Variants in PCNX2 observed in about 807,000 individuals in gnomAD.
The protein encoded by PCNX2 is pecanex-like protein 2.
PCNX2 carries 168 observed loss-of-function variants against 223.8 expected under a neutral mutation model. The ratio of observed to expected loss-of-function variants is 0.75; its 90% CI spans 0.66 to 0.85. The LOEUF is 0.85. PCNX2 is among the 40% of genes least tolerant of loss of function. PCNX2 has a pLI of 0.00. For synonymous variants in PCNX2, 1,006 were observed against 1,052.6 expected (o/e 0.96, Z 0.86); for missense variants, 2,507 against 2,675.5 (o/e 0.94, Z 1.39).
rs747589153 is a variant in PCNX2 at position 233,263,024 on chromosome 1, T to C, written c.293A>G (p.Lys98Arg). The change falls in exon 2 of 34, where the codon AAG (lysine) becomes AGG (arginine). Residue 98 changes from lysine (K) to arginine (R), a missense_variant. This residue lies in a region of PCNX2 where 1,031 missense variants were observed against 1,021.7 expected (regional missense o/e 1.01). Coordinates refer to ENST00000258229, the MANE Select transcript of PCNX2 (RefSeq NM_014801.4). ...GEVIQQKPSR[K>R]EEKPNKDKEA... ...CTTGTCTTTATTTGGCTTTTCTTCC[T>C]TTCTGGAGGGCTTTTGCTGAATTAC... The C allele has an allele frequency of 3.1e-6, 5 of 1,613,700 alleles. No homozygotes were observed. The highest frequency in any genetic ancestry group is 4.2e-6 in the Non-Finnish European group (5 of 1,179,828).
Position 233,221,791 on chromosome 1 carries a change from G to T in PCNX2, c.2505-3607C>A, listed in dbSNP as rs147539655. Among the ~76,000 whole-genome samples the T allele has an allele frequency of 3.4e-3, 513 of 152,288 alleles. 3 individuals are homozygous for T. The highest frequency in any genetic ancestry group is 0.012 in the African/African-American group (499 of 41,556). On this transcript the variant is annotated intron_variant, in intron 10 of 33. Transcript: ENST00000258229. ...TCCAAATGGATTATGGACAACGAAG[G>T]ACTGATTGAAAGAATAAAGATTACT...
intron 1 of PCNX2, chr1:233,289,098 G>T: frequency 1.0e-6 from 1 of 962,120 alleles, no homozygotes; most frequent in Non-Finnish European, 1.7e-6. Context: ...ATGGCTCCTG[G>T]GATGCTTTTG....
At chr1:232,988,836 C>T (rs928454472) in intron 32 of PCNX2, among the ~76,000 whole-genome samples, 1 of 152,210 alleles carries the variant, frequency 6.6e-6, no homozygotes, top group Non-Finnish European at 1.5e-5. Flanking sequence ...CCCAGCAAGA[C>T]GTTTGCAGGT....
chr1:233,179,246 T>C, intron 15 of PCNX2, 71 bp from the exon 16 acceptor site: 2 of 1,481,314 alleles, frequency 1.4e-6, no homozygotes, highest in Non-Finnish European at 1.9e-6. Flanking sequence ...ATCAGACATT[T>C]AGAAATATCC....
chr1:233,077,324 A>C (rs1673137356), intron 23 of PCNX2, among the ~76,000 whole-genome samples: 1 of 152,208 alleles, frequency 6.6e-6, no homozygotes, highest in Admixed American at 6.5e-5. Flanking sequence ...TCTTGACTCC[A>C]GGAGCACAGG....
At chr1:233,023,248 T>A (rs114506287) in intron 26 of PCNX2, among the ~76,000 whole-genome samples, 1 of 152,204 alleles carries the variant, frequency 6.6e-6, no homozygotes, top group African/African-American at 2.4e-5. Context: ...GATGGCTAGT[T>A]ACCATTTATC....
At chr1:233,311,040 A>T in the PCNX2 span, among the ~76,000 whole-genome samples, 1 of 152,332 alleles carries the variant, frequency 6.6e-6, no homozygotes, top group East Asian at 1.9e-4. Context: ...CCATAGCAGG[A>T]AGCCGCAAGT....
In PCNX2 at chr1:233,000,980, G is replaced by A. The variant is rs1670061550; in HGVS notation, c.5098-445C>T. Among the ~76,000 whole-genome samples the A allele has an allele frequency of 6.6e-6, 1 of 152,136 alleles. No individual in the cohort carries two copies. Among genetic ancestry groups the A allele is most frequent in the Non-Finnish European group, 1.5e-5 (1 of 68,030 alleles). On this transcript the variant is annotated intron_variant, in intron 29 of 33. Coordinates refer to ENST00000258229, the MANE Select transcript of PCNX2 (RefSeq NM_014801.4). This position sits in a 1 kb window ranked among gnomAD's most constrained non-coding sequence, Gnocchi z 4.6. Reference sequence around the variant, plus strand: ...CACTTACAGTGCTGTGCAGAGAAAGGAGACCATATTTTTAAAGGCCATTTT... The same window carrying A: ...CACTTACAGTGCTGTGCAGAGAAAGAAGACCATATTTTTAAAGGCCATTTT...
At chr1:233,146,469 A>T (rs1460526550) in intron 19 of PCNX2, among the ~76,000 whole-genome samples, 3 of 152,368 alleles carry the variant, frequency 2.0e-5, no homozygotes, top group Admixed American at 6.5e-5. Context: ...CATAAAGTAC[A>T]ATCAGTTACA....
the PCNX2 span, among the ~76,000 whole-genome samples, chr1:233,309,736 G>A: frequency 6.6e-6 from 1 of 151,830 alleles, no homozygotes; most frequent in Non-Finnish European, 1.5e-5. Flanking sequence ...AAATTAGACA[G>A]GCATGGTGGT....
In PCNX2 at chr1:233,088,029, C is replaced by T. The variant is rs545544200; in HGVS notation, c.4076+2032G>A. 1.8e-4 allele frequency among the ~76,000 whole-genome samples: 28 copies of T among 152,256 alleles called. 1 individual carries two copies. The highest frequency in any genetic ancestry group is 6.0e-4 in the African/African-American group (25 of 41,526). On this transcript the variant is annotated intron_variant, in intron 23 of 33. Transcript: ENST00000258229. ...AAACATAAATCTTGCTCTAGAAGTCCGTATGTTTAAGTAACCCACATAAAC... is the reference window on the plus strand; with the variant it reads ...AAACATAAATCTTGCTCTAGAAGTCTGTATGTTTAAGTAACCCACATAAAC...
intron 21 of PCNX2, among the ~76,000 whole-genome samples, chr1:233,110,935 T>A (rs1675076574): frequency 1.3e-5 from 2 of 152,170 alleles, no homozygotes; most frequent in South Asian, 4.1e-4. Flanking sequence ...TTTATATTCC[T>A]AATATAAGAG....
chr1:233,195,874 T>A (rs1397926421), intron 15 of PCNX2, among the ~76,000 whole-genome samples: 8 of 152,188 alleles, frequency 5.3e-5, no homozygotes, highest in South Asian at 2.1e-4. Context: ...AAATTCATCA[T>A]AATCCCAACG....
intron 22 of PCNX2, 193 bp downstream of exon 22, chr1:233,095,562 G>A (rs1047321053): frequency 1.7e-6 from 1 of 599,542 alleles, no homozygotes; most frequent in Non-Finnish European, 3.0e-6. Flanking sequence ...TTAAGAAGCA[G>A]GAAGAGTTCA....
At chr1:233,131,933 G>C (rs902659088) in intron 21 of PCNX2, among the ~76,000 whole-genome samples, 1 of 131,296 alleles carries the variant, frequency 7.6e-6, no homozygotes, top group Non-Finnish European at 1.6e-5. Flanking sequence ...TGTGGATTTC[G>C]TTTTAGATCT....
rs558499631 is a variant in PCNX2, at chr1:233,032,195, C to G, written c.4352-6796G>C. On this transcript the variant is annotated intron_variant, in intron 25 of 33. Coordinates refer to ENST00000258229, the MANE Select transcript of PCNX2 (RefSeq NM_014801.4). Reference sequence around the variant, plus strand: ...TTGGCTTACCACAACCTCCGCCTCCCGGGTTCAAGCGATTTTCCTGCCTCA... The same window carrying G: ...TTGGCTTACCACAACCTCCGCCTCCGGGGTTCAAGCGATTTTCCTGCCTCA... 2.2e-5 allele frequency: 10 copies of G among 446,858 alleles called. No homozygotes were observed. In the East Asian group the frequency reaches 1.6e-3, roughly 70 times the overall value. The allele number at this position is 446,858 out of a possible 1,614,324, so 27.7% of individuals were successfully genotyped here. A position where few individuals can be genotyped will look rare whatever the true frequency, so the allele number is the denominator to read the frequency against.
chr1:233,325,131 A>C, the PCNX2 span, among the ~76,000 whole-genome samples: 16 of 152,246 alleles, frequency 1.1e-4, no homozygotes. Flanking sequence ...GTAAGGCCAT[A>C]GGTGCCAAAG....
chr1:233,152,941 G>GC (rs1254145992), intron 19 of PCNX2, among the ~76,000 whole-genome samples: 2 of 152,178 alleles, frequency 1.3e-5, no homozygotes, highest in African/African-American at 2.4e-5. Context: ...AATCACAATG[G>GC]CGAAGCACAC....
At chr1:233,293,818 G>A (rs1370495190) in intron 1 of PCNX2, 2 of 338,828 alleles carry the variant, frequency 5.9e-6, no homozygotes, top group South Asian at 1.2e-4. Flanking sequence ...GCTTGCTCAA[G>A]CTCATATTAG....
Sources: allele counts gnomAD v4.1 joint callset (sites outside exome capture counted in the v4.1 genomes callset), GRCh38; gene constraint gnomAD v4.1.1; regional missense constraint gnomAD v4.1.1; non-coding constraint Gnocchi (gnomAD v3.1); transcripts MANE v1.5; gene names NCBI Gene and HGNC (gene_info 2026-07-23, HGNC 2026-07-21).